Variants in DCC observed in about 807,000 individuals in gnomAD.
DCC encodes the protein DCC netrin 1 receptor, also known as netrin receptor DCC.
In DCC, 58 loss-of-function variants were observed where a neutral mutation model predicts 172.5. That is an observed-to-expected ratio of 0.34 (90% confidence interval 0.27 to 0.42). DCC has a LOEUF of 0.42. DCC is among the 10% of genes least tolerant of loss of function. DCC has a pLI of 1.00. For missense variants in DCC, 1,740 were observed against 1,791.0 expected, an observed-to-expected ratio of 0.97 and a Z score of 0.51; for synonymous variants, 709 against 644.5, an observed-to-expected ratio of 1.10 and a Z score of -1.52.
At chr18:53,510,796 CCTT>C (rs1209404877) in intron 27 of DCC, among the ~76,000 whole-genome samples, 1 of 152,120 alleles carries the variant, frequency 6.6e-6, no homozygotes, top group Non-Finnish European at 1.5e-5. Flanking sequence ...TACTCCTATT[CCTT>C]CTTCTACCTC....
At chr18:52,477,000 C>G (rs887816261) in intron 1 of DCC, among the ~76,000 whole-genome samples, 2 of 152,128 alleles carry the variant, frequency 1.3e-5, no homozygotes, top group African/African-American at 4.8e-5. Context: ...CAACACCGAG[C>G]CATGGGAAAG....
chr18:52,898,232 T>C (rs2039760463), intron 2 of DCC, among the ~76,000 whole-genome samples: 1 of 152,200 alleles, frequency 6.6e-6, no homozygotes, highest in African/African-American at 2.4e-5. Context: ...TTTTATTAAA[T>C]GAACTTTAAT....
At chr18:53,508,745 T>G (rs1288007992) in intron 27 of DCC, among the ~76,000 whole-genome samples, 1 of 152,188 alleles carries the variant, frequency 6.6e-6, no homozygotes, top group Non-Finnish European at 1.5e-5. Flanking sequence ...TTCATCACCT[T>G]ATGAGAGACG....
At chr18:52,844,875 A>C (rs879794737) in intron 2 of DCC, among the ~76,000 whole-genome samples, 1 of 152,232 alleles carries the variant, frequency 6.6e-6, no homozygotes, top group Admixed American at 6.5e-5. Flanking sequence ...CTGGACAAGA[A>C]GTTCTGAATG....
intron 9 of DCC, among the ~76,000 whole-genome samples, chr18:53,197,620 G>T (rs945823567): frequency 6.6e-6 from 1 of 151,796 alleles, no homozygotes. Context: ...CATCAGCCTC[G>T]TTCAGTATTA....
chr18:52,497,293 A>ATGTGTG (rs1243000368), intron 1 of DCC, among the ~76,000 whole-genome samples: 8 of 29,932 alleles, frequency 2.7e-4, no homozygotes, highest in East Asian at 2.3e-3. Context: ...ATATATATAT[A>ATGTGTG]TATATATATA....
At chr18:52,406,019 A>T (rs1361498425) in intron 1 of DCC, among the ~76,000 whole-genome samples, 19 of 148,492 alleles carry the variant, frequency 1.3e-4, no homozygotes, top group African/African-American at 4.0e-4. Context: ...ATAACGCCGC[A>T]TATCTACAAC....
chr18:52,853,193 G>A (rs760384423), intron 2 of DCC, among the ~76,000 whole-genome samples: 1 of 152,126 alleles, frequency 6.6e-6, no homozygotes, highest in Non-Finnish European at 1.5e-5. Context: ...CGAATCTCAT[G>A]TTGCTTTCAC....
intron 5 of DCC, among the ~76,000 whole-genome samples, chr18:52,997,661 T>C (rs2041502936): frequency 6.6e-6 from 1 of 152,098 alleles, no homozygotes; most frequent in African/African-American, 2.4e-5. Context: ...TCTCATATTG[T>C]TTGTTCTACA....
At chr18:53,431,673 C>T (rs1251985981) in intron 21 of DCC, among the ~76,000 whole-genome samples, 1 of 151,966 alleles carries the variant, frequency 6.6e-6, no homozygotes, top group African/African-American at 2.4e-5. Flanking sequence ...TTAGTAGAGA[C>T]GAGGTTTTGC....
chr18:53,113,580 A>G (rs539217974), intron 7 of DCC, among the ~76,000 whole-genome samples: 12 of 151,540 alleles, frequency 7.9e-5, no homozygotes, highest in African/African-American at 2.9e-4. Flanking sequence ...TATAAATCCT[A>G]TTATTCTTTA....
intron 12 of DCC, among the ~76,000 whole-genome samples, chr18:53,299,986 A>G (rs75493473): frequency 0.015 from 2,338 of 152,330 alleles, 56 homozygotes; most frequent in African/African-American, 0.053. Context: ...TGCAAAAAAT[A>G]TGTTAACAAA....
chr18:53,134,425 A>G (rs747021284), intron 7 of DCC, among the ~76,000 whole-genome samples: 1 of 152,156 alleles, frequency 6.6e-6, no homozygotes, highest in Non-Finnish European at 1.5e-5. Flanking sequence ...AATCTGGATT[A>G]TATATAAGCA....
chr18:53,003,370 C>A (rs564963115), intron 5 of DCC, among the ~76,000 whole-genome samples: 1 of 152,274 alleles, frequency 6.6e-6, no homozygotes, highest in Admixed American at 6.5e-5. Context: ...AGTAACATGG[C>A]CCTGGGGTCA....
At chr18:52,533,206 A>G (rs1359329674) in intron 1 of DCC, among the ~76,000 whole-genome samples, 1 of 152,178 alleles carries the variant, frequency 6.6e-6, no homozygotes, top group East Asian at 1.9e-4. Context: ...TCGACATTTG[A>G]TACAACCTGT....
intron 1 of DCC, among the ~76,000 whole-genome samples, chr18:52,729,196 T>C (rs1293057111): frequency 6.6e-6 from 1 of 152,186 alleles, no homozygotes; most frequent in East Asian, 1.9e-4. Context: ...GCTTTGTGAT[T>C]ATGCCTAAAT....
At chr18:52,737,021 T>G (rs1307307111) in intron 1 of DCC, among the ~76,000 whole-genome samples, 1 of 152,184 alleles carries the variant, frequency 6.6e-6, no homozygotes, top group Non-Finnish European at 1.5e-5. Context: ...TGACAACACT[T>G]GAACCCCTCA....
At chr18:53,057,757 C>T (rs2042430753) in intron 5 of DCC, among the ~76,000 whole-genome samples, 1 of 151,974 alleles carries the variant, frequency 6.6e-6, no homozygotes, top group Non-Finnish European at 1.5e-5. Flanking sequence ...GAAATTGCTG[C>T]CAACCAAAAA....
chr18:53,117,865 C>T (rs2043429427), intron 7 of DCC, among the ~76,000 whole-genome samples: 1 of 151,728 alleles, frequency 6.6e-6, no homozygotes, highest in Non-Finnish European at 1.5e-5. Flanking sequence ...ATTTCACATT[C>T]TTGTCACGTC....
Sources: allele counts gnomAD v4.1 joint callset (sites outside exome capture counted in the v4.1 genomes callset), GRCh38; gene constraint gnomAD v4.1.1; transcripts MANE v1.5; gene names NCBI Gene and HGNC (gene_info 2026-07-23, HGNC 2026-07-21).